The following LINGO2 variants were observed in gnomAD, a reference collection of about 807,000 sequenced individuals.
The protein encoded by LINGO2 is leucine-rich repeat and immunoglobulin-like domain-containing nogo receptor-interacting protein 2.
Under a neutral mutation model 30.6 loss-of-function variants are expected in LINGO2, and 14 were observed. The observed-to-expected ratio is 0.46, with a 90% CI of 0.30 to 0.72. LINGO2 has a LOEUF of 0.72. Ranked by LOEUF, LINGO2 falls within the 30% of genes least tolerant of loss-of-function variation. The pLI, the probability that LINGO2 is intolerant of heterozygous loss-of-function variation, is 0.07. For synonymous variants in LINGO2, 317 were observed against 288.5 expected (o/e 1.10, Z -1.00); for missense variants, 729 against 751.7 (o/e 0.97, Z 0.35).
At chr9:28,989,137 T>G in the LINGO2 span, among the ~76,000 whole-genome samples, 1 of 152,310 alleles carries the variant, frequency 6.6e-6, no homozygotes, top group South Asian at 2.1e-4. Context: ...CACCAGTACC[T>G]TCAAAGGACA....
At chr9:28,956,023 A>C in the LINGO2 span, among the ~76,000 whole-genome samples, 1 of 151,978 alleles carries the variant, frequency 6.6e-6, no homozygotes, top group Non-Finnish European at 1.5e-5. Context: ...AGAATGCTAT[A>C]TTCACTGTAA....
chr9:29,165,978 C>T, the LINGO2 span, among the ~76,000 whole-genome samples: 1 of 151,928 alleles, frequency 6.6e-6, no homozygotes, highest in Non-Finnish European at 1.5e-5. Context: ...ATTGTGTATA[C>T]TTAGTGTATG....
chr9:29,163,986 T>C, the LINGO2 span, among the ~76,000 whole-genome samples: 1 of 152,088 alleles, frequency 6.6e-6, no homozygotes, highest in Non-Finnish European at 1.5e-5. Context: ...TGCTATGTGA[T>C]TTCCATGTCT....
chr9:28,618,210 C>T (rs558757374), intron 1 of LINGO2, among the ~76,000 whole-genome samples: 17 of 152,246 alleles, frequency 1.1e-4, no homozygotes, highest in African/African-American at 3.9e-4. Flanking sequence ...TCCCCCAACC[C>T]CAACCTGGTC....
At chr9:28,311,843 C>T (rs1470934994) in intron 3 of LINGO2, among the ~76,000 whole-genome samples, 1 of 152,126 alleles carries the variant, frequency 6.6e-6, no homozygotes, top group Non-Finnish European at 1.5e-5. Flanking sequence ...AAACCAAAGA[C>T]AGGCATAGGA....
At chr9:28,746,008 T>C in the LINGO2 span, among the ~76,000 whole-genome samples, 1 of 151,948 alleles carries the variant, frequency 6.6e-6, no homozygotes, top group African/African-American at 2.4e-5. Context: ...ACACAAACTA[T>C]CAAAGGAACC....
intron 4 of LINGO2, among the ~76,000 whole-genome samples, chr9:28,070,915 A>G (rs1057248093): frequency 6.6e-6 from 1 of 152,124 alleles, no homozygotes; most frequent in Non-Finnish European, 1.5e-5. Flanking sequence ...GACAAGGTCT[A>G]TGTTGTCCAG....
At chr9:28,773,992 T>C in the LINGO2 span, among the ~76,000 whole-genome samples, 6 of 152,106 alleles carry the variant, frequency 3.9e-5, no homozygotes, top group African/African-American at 1.2e-4. Context: ...TTTTTTGATA[T>C]GTTAAAAGAA....
chr9:28,106,924 C>A (rs1232742078), intron 4 of LINGO2, among the ~76,000 whole-genome samples: 2 of 152,158 alleles, frequency 1.3e-5, no homozygotes, highest in African/African-American at 2.4e-5. Context: ...GTCTCTCATG[C>A]TCATGTGATT....
At chr9:27,983,800 C>T (rs1215339923) in intron 5 of LINGO2, among the ~76,000 whole-genome samples, 1 of 151,832 alleles carries the variant, frequency 6.6e-6, no homozygotes, top group African/African-American at 2.4e-5. Context: ...GTTTCACATA[C>T]TTAAGTTTGA....
intron 2 of LINGO2, among the ~76,000 whole-genome samples, chr9:28,396,612 G>A (rs1391174395): frequency 2.0e-5 from 3 of 149,864 alleles, no homozygotes; most frequent in African/African-American, 4.9e-5. Context: ...GCTGAGGCAG[G>A]AGAATGGCGT....
chr9:28,445,286 T>G (rs1824376772), intron 2 of LINGO2, among the ~76,000 whole-genome samples: 1 of 152,232 alleles, frequency 6.6e-6, no homozygotes, highest in Non-Finnish European at 1.5e-5. Flanking sequence ...TCTCACTTGA[T>G]AGTTGCCATG....
intron 1 of LINGO2, among the ~76,000 whole-genome samples, chr9:28,560,790 C>G (rs1823008150): frequency 6.6e-6 from 1 of 152,036 alleles, no homozygotes; most frequent in East Asian, 1.9e-4. Context: ...CCTCAACCTC[C>G]CAAGTAGCTG....
At position 27,960,614 on chromosome 9, in the gene LINGO2, C is replaced by CTTTTTTT. The variant is rs540319420; in HGVS notation, c.-35-9915_-35-9909dup. ...CTTTCTTAAAGTTTTTGTGGTATAT[C>CTTTTTTT]TTTTTTTTTTTTTTTTTTTTACTTG... On this transcript the variant is annotated intron_variant, in intron 5 of 5. Coordinates refer to ENST00000379992, the Ensembl canonical transcript of LINGO2. Among the ~76,000 whole-genome samples, 5 of 122,308 alleles carry CTTTTTTT rather than the reference C, an allele frequency of 4.1e-5. No homozygotes were observed. The East Asian group carries it at 7.5e-4, about 18-fold the overall frequency. 80.2% of individuals were successfully genotyped at this position (122,308 alleles called of 152,430 possible).
At chr9:28,190,642 A>T (rs1819792385) in intron 4 of LINGO2, among the ~76,000 whole-genome samples, 1 of 152,144 alleles carries the variant, frequency 6.6e-6, no homozygotes, top group African/African-American at 2.4e-5. Flanking sequence ...TTGATCTTGG[A>T]CTTCCCAGCC....
intron 4 of LINGO2, among the ~76,000 whole-genome samples, chr9:28,087,678 A>G (rs774622825): frequency 6.6e-5 from 10 of 151,956 alleles, no homozygotes; most frequent in Non-Finnish European, 1.5e-5. Flanking sequence ...TTCCATTTTC[A>G]TGCCCCCTCT....
chr9:28,923,313 G>A, the LINGO2 span, among the ~76,000 whole-genome samples: 1 of 152,194 alleles, frequency 6.6e-6, no homozygotes, highest in East Asian at 1.9e-4. Flanking sequence ...TTCACAGAAA[G>A]ACTGAATTTT....
the LINGO2 span, among the ~76,000 whole-genome samples, chr9:28,910,854 G>C: frequency 5.3e-5 from 8 of 151,934 alleles, 1 homozygote; most frequent in Admixed American, 3.9e-4. Context: ...CCTGTATATG[G>C]GAAAGTAAAT....
At chr9:28,307,424 G>A (rs1294593437) in intron 3 of LINGO2, among the ~76,000 whole-genome samples, 18 of 152,112 alleles carry the variant, frequency 1.2e-4, no homozygotes, top group South Asian at 4.1e-4. Flanking sequence ...TTGATGGGAC[G>A]TATCTCAAAA....
Sources: gnomAD v4.1 joint callset for allele counts (sites outside exome capture counted in the v4.1 genomes callset) on GRCh38, gnomAD v4.1.1 for gene constraint, MANE v1.5 for transcripts, NCBI Gene and HGNC (gene_info 2026-07-23, HGNC 2026-07-21) for gene names.